Variants in SFPQ observed in about 807,000 individuals in gnomAD.
SFPQ encodes splicing factor proline and glutamine rich.
SFPQ carries 11 observed loss-of-function variants against 72.9 expected under a neutral mutation model. The observed-to-expected ratio is 0.15, with a 90% CI of 0.09 to 0.25. The LOEUF (loss-of-function observed/expected upper bound fraction) is 0.25, where lower values mean the gene tolerates loss of function less well. Ranked by LOEUF, SFPQ falls within the 10% of genes least tolerant of loss-of-function variation. SFPQ has a pLI of 1.00. For synonymous variants in SFPQ, 506 were observed against 367.3 expected (o/e 1.38, Z -4.32); for missense variants, 847 against 993.3 (o/e 0.85, Z 1.98).
downstream of SFPQ, chr1:35,180,149 C>T (rs1054235150): frequency 2.9e-6 from 3 of 1,049,510 alleles, no homozygotes; most frequent in Admixed American, 5.5e-5. Flanking sequence ...AAGTTTTCAT[C>T]AGCATTTATG....
chr1:35,184,308 T>C lies in SFPQ; in HGVS notation c.*148A>G. On this transcript the variant is annotated 3_prime_UTR_variant, in exon 10 of 10. Transcript: ENST00000357214. ...AAACACTGCATTACATAATTTTACC[T>C]GCCCAAACAGACCATTTACAAATAT... 5 of 1,453,444 alleles carry C rather than the reference T, an allele frequency of 3.4e-6. No individual in the cohort carries two copies. In the South Asian group the frequency reaches 7.6e-5, roughly 22 times the overall value. 90.0% of individuals were successfully genotyped at this position (1,453,444 alleles called of 1,614,324 possible). A position where few individuals can be genotyped will look rare whatever the true frequency, so the allele number is the denominator to read the frequency against.
In SFPQ at chr1:35,184,001, A is replaced by G. The variant is rs1336802814; in HGVS notation, c.*455T>C. 8 of 1,057,254 alleles carry G rather than the reference A, an allele frequency of 7.6e-6. No individual in the cohort carries two copies. The highest frequency in any genetic ancestry group is 9.2e-6 in the Non-Finnish European group (8 of 874,248). 65.5% of individuals were successfully genotyped at this position (1,057,254 alleles called of 1,614,324 possible). A position where few individuals can be genotyped will look rare whatever the true frequency, so the allele number is the denominator to read the frequency against. On this transcript the variant is annotated 3_prime_UTR_variant, in exon 10 of 10. Transcript: ENST00000357214. ...TTGTAGAAAGCAATACTTAGCCTCC[A>G]GATGCATTTCCCAGAAATGGCATAT...
At position 35,183,306 on chromosome 1, in the gene SFPQ, T is replaced by C. The variant is rs2148610666; in HGVS notation, c.*1150A>G. On this transcript the variant is annotated 3_prime_UTR_variant, in exon 10 of 10. Transcript: ENST00000357214. ...CAGTCTCAGCTCACTGCAACCTCCATCTCCAGGTTCAAGCAATTCTCCTGG... is the reference window on the plus strand; with the variant it reads ...CAGTCTCAGCTCACTGCAACCTCCACCTCCAGGTTCAAGCAATTCTCCTGG... The C allele has an allele frequency of 2.5e-6, 1 of 394,902 alleles. No individual in the cohort carries two copies. The highest frequency in any genetic ancestry group is 3.5e-6 in the Non-Finnish European group (1 of 283,716). The allele number at this position is 394,902 out of a possible 1,614,324, so 24.5% of individuals were successfully genotyped here. A position where few individuals can be genotyped will look rare whatever the true frequency, so the allele number is the denominator to read the frequency against.
chr1:35,184,605 G>A lies in SFPQ; in HGVS notation c.1987-12C>T, dbSNP rs1557793210. On this transcript the variant is annotated splice_polypyrimidine_tract_variant and intron_variant, in intron 9 of 9. Coordinates refer to ENST00000357214, the MANE Select transcript of SFPQ (RefSeq NM_005066.3). ...AAGCGCTCAGTACGCTATTGGAACA[G>A]TAATTAACAGTTCATTATAAGTAGT... 5.2e-6 allele frequency: 8 copies of A among 1,551,268 alleles called. No homozygotes were observed. The highest frequency in any genetic ancestry group is 6.9e-6 in the Non-Finnish European group (8 of 1,155,230).
At chr1:35,181,710 GAAA>G (rs1017022046), downstream of SFPQ, 1 of 1,060,662 alleles carries the variant, frequency 9.4e-7, no homozygotes, top group African/African-American at 1.6e-5. Context: ...TTCTTTAAAT[GAAA>G]AAAATGGCTA....
intron 4 of SFPQ, among the ~76,000 whole-genome samples, chr1:35,190,169 A>G (rs915842270): frequency 6.6e-6 from 1 of 152,212 alleles, no homozygotes; most frequent in African/African-American, 2.4e-5. Context: ...CTGAGGCAGG[A>G]GAATCGCTTG....
At position 35,183,692 on chromosome 1, in the gene SFPQ, G is replaced by A; in HGVS notation, c.*764C>T. 1.9e-6 allele frequency: 2 copies of A among 1,042,248 alleles called. No homozygotes were observed. The highest frequency in any genetic ancestry group is 2.3e-6 in the Non-Finnish European group (2 of 864,568). 64.6% of individuals were successfully genotyped at this position (1,042,248 alleles called of 1,614,324 possible). A position where few individuals can be genotyped will look rare whatever the true frequency, so the allele number is the denominator to read the frequency against. On this transcript the variant is annotated 3_prime_UTR_variant, in exon 10 of 10. Coordinates refer to ENST00000357214, the MANE Select transcript of SFPQ (RefSeq NM_005066.3). ...GTTGGTCTTTTAAAAACAAGAAATG[G>A]GGAAATGCAACAAAATGACCTTTCC...
chr1:35,177,594 C>G (rs932029500), intron 4 of SFPQ: 1 of 152,474 alleles, frequency 6.6e-6, no homozygotes, highest in African/African-American at 2.4e-5. Context: ...TTCTGCCTCC[C>G]AAAGTGCTAG....
In SFPQ at chr1:35,189,166, T is replaced by G; in HGVS notation, c.1612+20A>C. The G allele has an allele frequency of 6.2e-7, 1 of 1,613,628 alleles. No homozygotes were observed. The highest frequency in any genetic ancestry group is 1.1e-5 in the South Asian group (1 of 91,060). On this transcript the variant is annotated intron_variant, in intron 5 of 9. Transcript: ENST00000357214. ...AAACAATTGACCTTAGCAATGATGT[T>G]CACGCACAGGTCTTTTTACCTTGGC...
At position 35,192,909 on chromosome 1, in the gene SFPQ, C is replaced by T; in HGVS notation, c.141G>A (p.Met47Ile). 6.3e-7 allele frequency: 1 copy of T among 1,580,704 alleles called. No homozygotes were observed. Among genetic ancestry groups the T allele is most frequent in the Non-Finnish European group, 8.5e-7 (1 of 1,171,722 alleles). The change falls in exon 1 of 10, where the codon ATG (methionine) becomes ATA (isoleucine). Residue 47 changes from methionine to isoleucine, a missense_variant. Around this residue, in one of 6 missense-constraint regions of SFPQ, gnomAD observed 498 missense variants for 405.1 expected, o/e 1.23. Transcript: ENST00000357214. ...GMGLNQNRGP[M>I]GPGPGQSGPK... is the part of the protein sequence containing the mutation. The stretch of plus-strand genomic sequence containing the variant: ...GGCCGCTCTGGCCCGGGCCAGGACC[C>T]ATGGGGCCGCGATTCTGATTGAGGC...
chr1:35,189,610 C>T (rs1183829382), intron 4 of SFPQ, among the ~76,000 whole-genome samples: 4 of 152,162 alleles, frequency 2.6e-5, no homozygotes, highest in Non-Finnish European at 5.9e-5. Context: ...TAATTGTTTT[C>T]CTCTAGCCAA....
chr1:35,183,855 C>CA lies in SFPQ; in HGVS notation c.*600dup. 2 of 1,054,936 alleles carry CA rather than the reference C, an allele frequency of 1.9e-6. No individual in the cohort carries two copies. The highest frequency in any genetic ancestry group is 2.3e-6 in the Non-Finnish European group (2 of 872,678). 65.3% of individuals were successfully genotyped at this position (1,054,936 alleles called of 1,614,324 possible). Reference sequence around the variant, plus strand: ...TACATATTCCTGAAGATTTACAGTTCAGCTTTGCTTACATAACCATTTAAA... The same window carrying CA: ...TACATATTCCTGAAGATTTACAGTTCAAGCTTTGCTTACATAACCATTTAAA... On this transcript the variant is annotated 3_prime_UTR_variant, in exon 10 of 10. Coordinates refer to ENST00000357214, the MANE Select transcript of SFPQ (RefSeq NM_005066.3).
chr1:35,190,282 G>A (rs997774058), intron 4 of SFPQ, among the ~76,000 whole-genome samples: 1 of 152,192 alleles, frequency 6.6e-6, no homozygotes, highest in Non-Finnish European at 1.5e-5. Flanking sequence ...CATTATTGCA[G>A]GGACAAAACA....
At chr1:35,190,394 A>G in intron 4 of SFPQ, 104 bp downstream of exon 4, 1 of 737,324 alleles carries the variant, frequency 1.4e-6, no homozygotes, top group Non-Finnish European at 2.3e-6. Flanking sequence ...GCATATCCAC[A>G]TCAAATAATT....
chr1:35,182,820 T>A, downstream of SFPQ: 1 of 1,050,192 alleles, frequency 9.5e-7, no homozygotes, highest in Non-Finnish European at 1.1e-6. Flanking sequence ...CACTGGGAAA[T>A]CAGGCTCCCA....
chr1:35,179,435 T>C, downstream of SFPQ: 1 of 1,056,572 alleles, frequency 9.5e-7, no homozygotes, highest in Non-Finnish European at 1.1e-6. Flanking sequence ...GAAAATACAT[T>C]CTGGCATCAC....
chr1:35,189,027 T>C lies in SFPQ; in HGVS notation c.1673A>G (p.Gln558Arg). Residue 558 changes from glutamine (Q) to arginine (R), a missense_variant, in exon 6 of 10, where the codon CAG (glutamine) becomes CGG (arginine). Gln to Arg is a conservative substitution (Grantham distance 43, BLOSUM62 1). Coordinates refer to ENST00000357214, the MANE Select transcript of SFPQ (RefSeq NM_005066.3). ...CCTCAATTGCATTTCTTTACGTTTC[T>C]GCATTTCTTGATTGTGAAGTTCTTC... The part of the protein sequence containing the change: ...RMEELHNQEM[Q>R]KRKEMQLRQE... The C allele has an allele frequency of 1.2e-6, 2 of 1,612,282 alleles. No individual in the cohort carries two copies. Among genetic ancestry groups the C allele is most frequent in the Non-Finnish European group, 1.7e-6 (2 of 1,179,708 alleles).
chr1:35,182,981 G>A lies in SFPQ; in HGVS notation c.*1475C>T. ...TGGGAGGAAGGGATATTTGTACTGTGTAGCATGAGCAACTTTCTCCAGATT... is the reference window on the plus strand; with the variant it reads ...TGGGAGGAAGGGATATTTGTACTGTATAGCATGAGCAACTTTCTCCAGATT... On this transcript the variant is annotated 3_prime_UTR_variant, in exon 10 of 10. Transcript: ENST00000357214. 9.6e-7 allele frequency: 1 copy of A among 1,040,862 alleles called. No individual in the cohort carries two copies. The highest frequency in any genetic ancestry group is 4.6e-5 in the South Asian group (1 of 21,764). The allele number at this position is 1,040,862 out of a possible 1,614,324, so 64.5% of individuals were successfully genotyped here.
In SFPQ at chr1:35,184,509, A is replaced by G; in HGVS notation, c.2071T>C (p.Tyr691His). ...TCGTACTCTTCTCTCCCTCTACCAT[A>G]TCCTGCTGGAGTTCCAGGCCCCATT... ...RGMGPGTPAG[Y>H]GRGREEYEGP... is the part of the protein sequence containing the mutation. Residue 691 changes from tyrosine (Y) to histidine (H), a missense_variant, in exon 10 of 10, where the codon TAT becomes CAT. By Grantham distance (83) the Tyr-to-His change is moderately conservative (BLOSUM62 2). Transcript: ENST00000357214. 6.2e-7 allele frequency: 1 copy of G among 1,613,188 alleles called. No individual in the cohort carries two copies. Among genetic ancestry groups the G allele is most frequent in the Non-Finnish European group, 8.5e-7 (1 of 1,179,646 alleles).
Sources: gnomAD v4.1 joint callset for allele counts (sites outside exome capture counted in the v4.1 genomes callset) on GRCh38, gnomAD v4.1.1 for gene constraint, gnomAD v4.1.1 regional missense constraint, MANE v1.5 for transcripts, NCBI Gene and HGNC (gene_info 2026-07-23, HGNC 2026-07-21) for gene names.